Variants in MAP3K1 observed in about 807,000 individuals in gnomAD.
MAP3K1 encodes MAP/ERK kinase kinase 1.
MAP3K1 carries 36 observed loss-of-function variants against 144.2 expected under a neutral mutation model. That is an observed-to-expected ratio of 0.25 (90% CI 0.19 to 0.33). The LOEUF is 0.33. Ranked by LOEUF, MAP3K1 falls within the 10% of genes least tolerant of loss-of-function variation. The pLI, the probability that MAP3K1 is intolerant of heterozygous loss-of-function variation, is 1.00. For missense variants in MAP3K1, 1,650 were observed against 1,881.9 expected, an observed-to-expected ratio of 0.88 and a Z score of 2.28; for synonymous variants, 718 against 688.7, an observed-to-expected ratio of 1.04 and a Z score of -0.67.
At chr5:56,819,645 G>A (rs1051108823) in intron 1 of MAP3K1, among the ~76,000 whole-genome samples, 3 of 152,122 alleles carry the variant, frequency 2.0e-5, no homozygotes, top group Non-Finnish European at 4.4e-5. Flanking sequence ...ATCTTCTTGG[G>A]TTGAGGGCTG....
intron 6 of MAP3K1, among the ~76,000 whole-genome samples, chr5:56,866,535 C>G (rs1382339727): frequency 6.6e-6 from 1 of 152,082 alleles, no homozygotes; most frequent in Non-Finnish European, 1.5e-5. Context: ...TCTTTCTGTT[C>G]TGTATATTGC....
chr5:56,850,416 G>A (rs928603752), intron 1 of MAP3K1, among the ~76,000 whole-genome samples: 6 of 152,092 alleles, frequency 3.9e-5, no homozygotes, highest in Non-Finnish European at 7.4e-5. Context: ...TTCTACGATC[G>A]TTATAGTCTT....
At position 56,864,929 on chromosome 5, in the gene MAP3K1, C is replaced by A; in HGVS notation, c.1030C>A (p.Pro344Thr). Reference protein sequence around the residue: ...PDNKYRVFIGPQNCSCARGTF... With the variant: ...PDNKYRVFIGTQNCSCARGTF... ...CAATAAATACCGGGTGTTTATTGGG[C>A]CTCAGGTAGGATTCGTCACCATTTT... Residue 344 changes from proline (P) to threonine (T), a missense_variant, in exon 4 of 20, where the codon CCT (proline) becomes ACT (threonine). Pro to Thr is a conservative substitution (Grantham distance 38). Around this residue, in one of 6 missense-constraint regions of MAP3K1, gnomAD observed 11 missense variants for 40.6 expected, o/e 0.27. Transcript: ENST00000399503. 1 of 1,613,766 alleles carries A rather than the reference C, an allele frequency of 6.2e-7. No homozygotes were observed. The highest frequency in any genetic ancestry group is 8.5e-7 in the Non-Finnish European group (1 of 1,179,864).
chr5:56,864,755 C>T lies in MAP3K1; in HGVS notation c.856C>T (p.Pro286Ser). 6.2e-7 allele frequency: 1 copy of T among 1,614,026 alleles called. No individual in the cohort carries two copies. Among genetic ancestry groups the T allele is most frequent in the Non-Finnish European group, 8.5e-7 (1 of 1,179,966 alleles). The change falls in exon 4 of 20, where the codon CCA (proline) becomes TCA (serine). Residue 286 changes from proline to serine, a missense_variant. Around this residue, in one of 6 missense-constraint regions of MAP3K1, gnomAD observed 148 missense variants for 177.2 expected, o/e 0.84. Coordinates refer to ENST00000399503, the MANE Select transcript of MAP3K1 (RefSeq NM_005921.2). The part of the protein sequence containing the change: ...PVPFQSGRIT[P>S]PRRAPSPDGF... The stretch of plus-strand genomic sequence containing the variant: ...GAAGTTTCAGAGTGGCAGAATCACA[C>T]CACCCCGAAGAGCCCCTTCACCAGA...
intron 6 of MAP3K1, among the ~76,000 whole-genome samples, chr5:56,871,668 TATTGA>T (rs1341230227): frequency 6.6e-6 from 1 of 152,160 alleles, no homozygotes; most frequent in Admixed American, 6.6e-5. Flanking sequence ...GCAGTCTGTG[TATTGA>T]ATTGTTTTCA....
At chr5:56,849,305 C>T (rs907706488) in intron 1 of MAP3K1, among the ~76,000 whole-genome samples, 10 of 150,912 alleles carry the variant, frequency 6.6e-5, no homozygotes, top group Admixed American at 1.3e-4. Context: ...GCCAAGATTG[C>T]GCCACTGCAC....
intron 9 of MAP3K1, among the ~76,000 whole-genome samples, chr5:56,873,229 T>G (rs1194514957): frequency 1.3e-5 from 2 of 152,212 alleles, no homozygotes. Context: ...TTCACATATC[T>G]AGAAACATCT....
Position 56,881,996 on chromosome 5 carries a change from C to G in MAP3K1, c.2796C>G (p.Ala932=), listed in dbSNP as rs1369918292. Residue 932 remains alanine, a synonymous_variant, in exon 14 of 20, where the codon GCC becomes GCG. Coordinates refer to ENST00000399503, the MANE Select transcript of MAP3K1 (RefSeq NM_005921.2). The part of the protein sequence containing the change: ...ASSEDISERL[A]SISVGPSSST... Reference sequence around the variant, plus strand: ...CAGAGGACATTTCTGAGAGACTGGCCAGCATTTCAGTAGGACCTTCTAGTT... The same window carrying G: ...CAGAGGACATTTCTGAGAGACTGGCGAGCATTTCAGTAGGACCTTCTAGTT... The G allele has an allele frequency of 1.9e-6, 3 of 1,606,124 alleles. No individual in the cohort carries two copies. The highest frequency in any genetic ancestry group is 1.1e-5 in the South Asian group (1 of 90,558).
intron 1 of MAP3K1, among the ~76,000 whole-genome samples, chr5:56,823,297 CCTT>C (rs1746210434): frequency 6.6e-6 from 1 of 152,128 alleles, no homozygotes; most frequent in African/African-American, 2.4e-5. Context: ...TCACTCACTG[CCTT>C]CTTCTATAGG....
At chr5:56,820,803 A>G in intron 1 of MAP3K1, 1 of 985,404 alleles carries the variant, frequency 1.0e-6, no homozygotes, top group Non-Finnish European at 1.2e-6. Context: ...TGAGTGCACA[A>G]GCTGTTTCTG....
chr5:56,846,725 C>T (rs1747008314), intron 1 of MAP3K1, among the ~76,000 whole-genome samples: 1 of 152,178 alleles, frequency 6.6e-6, no homozygotes, highest in South Asian at 2.1e-4. Context: ...GTTTTGACTT[C>T]GTTGCAGTTT....
Position 56,894,780 on chromosome 5 carries a change from G to A in MAP3K1, c.*1100G>A. On this transcript the variant is annotated 3_prime_UTR_variant, in exon 20 of 20. Coordinates refer to ENST00000399503, the MANE Select transcript of MAP3K1 (RefSeq NM_005921.2). ...GGCCTGGCAGATCATTTTTTAAAAA[G>A]ATTATTCAACTACCAATCAGTAATG... 1 of 231,994 alleles carries A rather than the reference G, an allele frequency of 4.3e-6. No individual in the cohort carries two copies. The highest frequency in any genetic ancestry group is 8.5e-6 in the Non-Finnish European group (1 of 117,324). 14.4% of individuals were successfully genotyped at this position (231,994 alleles called of 1,614,324 possible).
rs1354915279 is a variant in MAP3K1, at chr5:56,893,498, T to C, written c.4390-33T>C. 2.5e-6 allele frequency: 4 copies of C among 1,612,218 alleles called. 1 individual carries two copies. The highest frequency in any genetic ancestry group is 3.3e-4 in the Middle Eastern group (2 of 6,050). On this transcript the variant is annotated intron_variant, in intron 19 of 19. Coordinates refer to ENST00000399503, the MANE Select transcript of MAP3K1 (RefSeq NM_005921.2). ...GTTTCTGTATCAGAAGTTACAGTTG[T>C]GCAAAGCTTCAACACTGGCTTTTTC...
intron 1 of MAP3K1, among the ~76,000 whole-genome samples, chr5:56,818,758 CTT>C (rs997803095): frequency 6.6e-6 from 1 of 152,112 alleles, no homozygotes; most frequent in Non-Finnish European, 1.5e-5. Context: ...ATTTTTGTAA[CTT>C]AAAAAACCAA....
intron 1 of MAP3K1, among the ~76,000 whole-genome samples, chr5:56,831,875 C>T (rs1746504618): frequency 6.6e-6 from 1 of 152,168 alleles, no homozygotes; most frequent in Non-Finnish European, 1.5e-5. Flanking sequence ...AGTTGAAATT[C>T]AAGAGTCTAG....
intron 6 of MAP3K1, 142 bp downstream of exon 6, chr5:56,866,119 A>T (rs1747663757): frequency 2.4e-6 from 2 of 828,422 alleles, no homozygotes; most frequent in Non-Finnish European, 1.9e-6. Flanking sequence ...AAGGGTGAAG[A>T]TACTAAAAGT....
chr5:56,874,934 C>G, intron 9 of MAP3K1, 98 bp from the exon 10 acceptor site: 1 of 1,228,886 alleles, frequency 8.1e-7, no homozygotes, highest in Admixed American at 1.7e-5. Flanking sequence ...CAGAAATGTC[C>G]AGTTTTTACG....
At chr5:56,820,028 CA>C (rs1746106379) in intron 1 of MAP3K1, among the ~76,000 whole-genome samples, 1 of 152,064 alleles carries the variant, frequency 6.6e-6, no homozygotes, top group African/African-American at 2.4e-5. Flanking sequence ...TTTCAGTTTG[CA>C]AAAATATATT....
rs774154740 is a variant in MAP3K1 at position 56,851,279 on chromosome 5, CCT to C, written c.483-5320_483-5319del. On this transcript the variant is annotated intron_variant, in intron 1 of 19. Coordinates refer to ENST00000399503, the MANE Select transcript of MAP3K1 (RefSeq NM_005921.2). ...ATTTTTGAGTGTTTATGAAATGTCC[CCT>C]GTGTGCCAGGCATTGTGCAGAACTA... Among the ~76,000 whole-genome samples, 5 of 152,238 alleles carry C rather than the reference CCT, an allele frequency of 3.3e-5. No individual in the cohort carries two copies. The East Asian group carries it at 9.6e-4, about 29-fold the overall frequency.
Sources: gnomAD v4.1 joint callset for allele counts (sites outside exome capture counted in the v4.1 genomes callset) on GRCh38, gnomAD v4.1.1 for gene constraint, gnomAD v4.1.1 regional missense constraint, MANE v1.5 for transcripts, NCBI Gene and HGNC (gene_info 2026-07-23, HGNC 2026-07-21) for gene names.